TANC2: variants seen among roughly 807,000 people sequenced by gnomAD.
TANC2 encodes the protein tetratricopeptide repeat, ankyrin repeat and coiled-coil containing 2.
A neutral mutation model predicts 210.5 loss-of-function variants in TANC2; 26 were observed. The ratio of observed to expected loss-of-function variants is 0.12; its 90% confidence interval spans 0.09 to 0.17. TANC2 has a LOEUF of 0.17. TANC2 is among the 10% of genes least tolerant of loss of function. The probability of loss-of-function intolerance (pLI) is 1.00; values close to 1 mark genes in which losing one functional copy is unlikely to be tolerated. For missense variants in TANC2, 2,129 were observed against 2,608.9 expected, an observed-to-expected ratio of 0.82 and a Z score of 4.01; for synonymous variants, 931 against 967.1, an observed-to-expected ratio of 0.96 and a Z score of 0.69.
At chr17:63,227,930 C>T (rs1208485752) in intron 7 of TANC2, among the ~76,000 whole-genome samples, 1 of 152,038 alleles carries the variant, frequency 6.6e-6, no homozygotes, top group African/African-American at 2.4e-5. Flanking sequence ...GTGCTGCAAT[C>T]TCGGCTCACG....
intron 7 of TANC2, among the ~76,000 whole-genome samples, chr17:63,213,214 G>GC (rs1421611224): frequency 6.6e-6 from 1 of 152,138 alleles, no homozygotes; most frequent in Non-Finnish European, 1.5e-5. Flanking sequence ...TATGTTTCTG[G>GC]CATATATACC....
chr17:63,289,733 T>C (rs1245733873), intron 9 of TANC2, among the ~76,000 whole-genome samples: 1 of 152,214 alleles, frequency 6.6e-6, no homozygotes, highest in African/African-American at 2.4e-5. Flanking sequence ...CTTTGCCTTT[T>C]AGTATTCCTT....
At chr17:63,063,674 T>TTGTGTG (rs371281397) in intron 2 of TANC2, among the ~76,000 whole-genome samples, 134 of 137,496 alleles carry the variant, frequency 9.7e-4, no homozygotes, top group African/African-American at 3.4e-3. Flanking sequence ...TTACCCAGTA[T>TTGTGTG]TGTGTGTGTG....
chr17:63,028,146 A>T (rs1370810647), intron 2 of TANC2, among the ~76,000 whole-genome samples: 1 of 152,026 alleles, frequency 6.6e-6, no homozygotes, highest in Admixed American at 6.6e-5. Flanking sequence ...CATGTCTGTA[A>T]ACCAAGAATG....
At chr17:63,385,389 C>T (rs971813476) in intron 15 of TANC2, among the ~76,000 whole-genome samples, 1 of 152,212 alleles carries the variant, frequency 6.6e-6, no homozygotes, top group African/African-American at 2.4e-5. Flanking sequence ...GCTTCCTGGT[C>T]TTCCAGGATC....
intron 3 of TANC2, among the ~76,000 whole-genome samples, chr17:63,082,779 A>G (rs1258701864): frequency 6.6e-6 from 1 of 152,160 alleles, no homozygotes; most frequent in African/African-American, 2.4e-5. Context: ...AGGGTAGGGT[A>G]GAGTGGCTGG....
chr17:63,013,851 C>T (rs971835509), intron 2 of TANC2, among the ~76,000 whole-genome samples: 22 of 145,338 alleles, frequency 1.5e-4, no homozygotes, highest in African/African-American at 5.3e-4. Context: ...GGCATGATGT[C>T]TTTTGTCAGT....
intron 6 of TANC2, among the ~76,000 whole-genome samples, chr17:63,195,708 G>A (rs543057095): frequency 1.3e-5 from 2 of 151,886 alleles, no homozygotes; most frequent in South Asian, 4.1e-4. Flanking sequence ...TTGCCCCCCT[G>A]TAGTCTGTTC....
At chr17:63,236,288 A>G (rs2042617551) in intron 7 of TANC2, among the ~76,000 whole-genome samples, 1 of 152,060 alleles carries the variant, frequency 6.6e-6, no homozygotes, top group African/African-American at 2.4e-5. Flanking sequence ...TCTAGGACTG[A>G]TACATGAATT....
At chr17:62,991,393 C>T (rs574093804) in intron 1 of TANC2, among the ~76,000 whole-genome samples, 25 of 152,050 alleles carry the variant, frequency 1.6e-4, no homozygotes, top group African/African-American at 6.0e-4. Context: ...AATCCCAGCA[C>T]TTTGGGAGGC....
At chr17:63,251,707 A>T (rs1253156018) in intron 8 of TANC2, among the ~76,000 whole-genome samples, 1 of 152,098 alleles carries the variant, frequency 6.6e-6, no homozygotes, top group Non-Finnish European at 1.5e-5. Flanking sequence ...AGGACCCCAG[A>T]GCTATTGCAT....
Position 63,419,776 on chromosome 17 carries a change from A to T in TANC2, c.4269-223A>T, listed in dbSNP as rs1488234194. ...GGGCATTTCTCCACTATTCCCAGAG[A>T]GGCCAGAAGGAAGATGGAGGCCGAA... On this transcript the variant is annotated intron_variant, in intron 27 of 27. Coordinates refer to ENST00000689528, the Ensembl canonical transcript of TANC2. Among the ~76,000 whole-genome samples the T allele has an allele frequency of 4.6e-5, 7 of 152,144 alleles. No homozygotes were observed. In the South Asian group the frequency reaches 1.2e-3, roughly 27 times the overall value.
At chr17:63,001,442 A>C (rs537285224) in intron 1 of TANC2, among the ~76,000 whole-genome samples, 2 of 152,126 alleles carry the variant, frequency 1.3e-5, no homozygotes, top group African/African-American at 4.8e-5. Context: ...TTACTCATTC[A>C]AGAAATGTTG....
At chr17:63,190,930 A>G (rs1175879941) in intron 5 of TANC2, among the ~76,000 whole-genome samples, 2 of 152,146 alleles carry the variant, frequency 1.3e-5, no homozygotes, top group Non-Finnish European at 1.5e-5. Context: ...CTCTTAAGCT[A>G]CCACTATTTC....
intron 12 of TANC2, among the ~76,000 whole-genome samples, chr17:63,350,044 A>G (rs2046547979): frequency 6.6e-6 from 1 of 152,202 alleles, no homozygotes; most frequent in African/African-American, 2.4e-5. Context: ...GGATATTGAA[A>G]TTAAATCTCT....
chr17:63,085,515 T>C (rs985456173), intron 3 of TANC2, among the ~76,000 whole-genome samples: 1 of 152,254 alleles, frequency 6.6e-6, no homozygotes, highest in Admixed American at 6.5e-5. Context: ...AAATTTGCAA[T>C]ATATATTTAC....
At chr17:63,186,413 C>T (rs1191462565) in intron 5 of TANC2, among the ~76,000 whole-genome samples, 5 of 146,106 alleles carry the variant, frequency 3.4e-5, no homozygotes, top group African/African-American at 7.7e-5. Context: ...AGTGCAATGG[C>T]GCAACCTCGG....
intron 5 of TANC2, among the ~76,000 whole-genome samples, chr17:63,175,536 A>C (rs1382480738): frequency 0.32 from 25,280 of 78,964 alleles, 1,884 homozygotes; most frequent in African/African-American, 0.43. Flanking sequence ...CCCCCGCCAA[A>C]AAAAAAAAAA....
chr17:63,374,439 C>A (rs1020515474), intron 14 of TANC2, among the ~76,000 whole-genome samples: 6 of 152,076 alleles, frequency 3.9e-5, no homozygotes, highest in African/African-American at 9.7e-5. Flanking sequence ...AGGATAGAGG[C>A]CGTGCTTTTT....
Sources: allele counts gnomAD v4.1 joint callset (sites outside exome capture counted in the v4.1 genomes callset), GRCh38; gene constraint gnomAD v4.1.1; transcripts MANE v1.5; gene names NCBI Gene and HGNC (gene_info 2026-07-23, HGNC 2026-07-21).